The following ENTPD1 variants were observed in gnomAD, a reference collection of about 807,000 sequenced individuals.
The protein encoded by ENTPD1 is ATP diphosphohydrolase.
ENTPD1 carries 33 observed loss-of-function variants against 57.0 expected under a neutral mutation model. The observed-to-expected ratio is 0.58, with a 90% CI of 0.44 to 0.77. ENTPD1 has a LOEUF of 0.77. Ranked by LOEUF, ENTPD1 falls within the 30% of genes least tolerant of loss-of-function variation. The probability of loss-of-function intolerance (pLI) is 0.00; values close to 1 mark genes in which losing one functional copy is unlikely to be tolerated. For synonymous variants in ENTPD1, 202 were observed against 218.8 expected (o/e 0.92, Z 0.68); for missense variants, 501 against 603.4 (o/e 0.83, Z 1.78).
At chr10:95,828,113 C>T (rs533256887) in intron 2 of ENTPD1, among the ~76,000 whole-genome samples, 11 of 152,250 alleles carry the variant, frequency 7.2e-5, no homozygotes, top group Admixed American at 3.3e-4. Context: ...GTGAGGAACA[C>T]GCGAGCGAGC....
chr10:95,849,821 A>AC (rs2098441777), intron 7 of ENTPD1, among the ~76,000 whole-genome samples: 1 of 152,182 alleles, frequency 6.6e-6, no homozygotes, highest in South Asian at 2.1e-4. Flanking sequence ...TTCACCTTGG[A>AC]CTTTTTTTTG....
At position 95,828,787 on chromosome 10, in the gene ENTPD1, C is replaced by T. The variant is rs766818944; in HGVS notation, c.144+5423C>T. 1.6e-4 allele frequency among the ~76,000 whole-genome samples: 24 copies of T among 150,912 alleles called. 1 individual carries two copies. Among genetic ancestry groups the T allele is most frequent in the Non-Finnish European group, 2.4e-4 (16 of 67,802 alleles). On this transcript the variant is annotated intron_variant, in intron 2 of 9. Coordinates refer to ENST00000371205, the MANE Select transcript of ENTPD1 (RefSeq NM_001776.6). The stretch of plus-strand genomic sequence containing the variant: ...GCGCAGTGGCATGATCTCGGCTCAC[C>T]GCAATCTCTGCCTCCCAGGTTCAAG...
At chr10:95,767,189 G>A (rs34836127) in intron 1 of ENTPD1, among the ~76,000 whole-genome samples, 13,104 of 150,844 alleles carry the variant, frequency 0.087, 707 homozygotes, top group Middle Eastern at 0.16. Context: ...GGTGGTGGGC[G>A]CCTATAGTCC....
At chr10:95,860,258 G>C (rs919918798) in intron 7 of ENTPD1, among the ~76,000 whole-genome samples, 1 of 152,070 alleles carries the variant, frequency 6.6e-6, no homozygotes, top group Non-Finnish European at 1.5e-5. Context: ...ATGGAGAAAA[G>C]TAACTGCCAG....
rs1412393736 is a variant in ENTPD1, at chr10:95,845,348, GTCTT to G, written c.574-6_574-3del. The G allele has an allele frequency of 2.5e-6, 4 of 1,614,138 alleles. No individual in the cohort carries two copies. The highest frequency in any genetic ancestry group is 3.4e-6 in the Non-Finnish European group (4 of 1,180,022). ...GACTTCTAGCACTGGTAACTGTACT[GTCTT>G]TCAGAAAACAAGGTGGTTCAGCATA... On this transcript the variant is annotated splice_region_variant and splice_polypyrimidine_tract_variant and intron_variant, in intron 5 of 9. Coordinates refer to ENST00000371205, the MANE Select transcript of ENTPD1 (RefSeq NM_001776.6).
At chr10:95,730,924 G>A (rs7094382) in intron 1 of ENTPD1, among the ~76,000 whole-genome samples, 81,976 of 151,998 alleles carry the variant, frequency 0.54, 22,531 homozygotes, top group Admixed American at 0.63. Context: ...TTACTCTACT[G>A]TGAAGGTGAG....
intron 1 of ENTPD1, among the ~76,000 whole-genome samples, chr10:95,815,942 T>C (rs1376171512): frequency 6.6e-6 from 1 of 152,192 alleles, no homozygotes; most frequent in African/African-American, 2.4e-5. Flanking sequence ...TTTCCCGTGA[T>C]TCTTCCCTTA....
At chr10:95,716,827 A>G (rs1034742064) in intron 1 of ENTPD1, among the ~76,000 whole-genome samples, 60 of 152,346 alleles carry the variant, frequency 3.9e-4, no homozygotes, top group African/African-American at 1.4e-3. Flanking sequence ...GAACTGAAAC[A>G]TGCATATCCT....
chr10:95,873,659 T>C lies in ENTPD1; in HGVS notation c.*7276T>C. The C allele has an allele frequency of 1.0e-6, 1 of 985,452 alleles. No homozygotes were observed. The highest frequency in any genetic ancestry group is 1.2e-6 in the Non-Finnish European group (1 of 829,920). 61.0% of individuals were successfully genotyped at this position (985,452 alleles called of 1,614,324 possible). A position where few individuals can be genotyped will look rare whatever the true frequency, so the allele number is the denominator to read the frequency against. On this transcript the variant is annotated 3_prime_UTR_variant, in exon 10 of 10. Coordinates refer to ENST00000371205, the MANE Select transcript of ENTPD1 (RefSeq NM_001776.6). ...CTACTAGGGATGAAACAGCTAATCATGTTCAATAGTTACATTTAGATTGGT... is the reference window on the plus strand; with the variant it reads ...CTACTAGGGATGAAACAGCTAATCACGTTCAATAGTTACATTTAGATTGGT...
At position 95,871,570 on chromosome 10, in the gene ENTPD1, T is replaced by C. The variant is rs2098480476; in HGVS notation, c.*5187T>C. 5 of 985,456 alleles carry C rather than the reference T, an allele frequency of 5.1e-6. No homozygotes were observed. Among genetic ancestry groups the C allele is most frequent in the Non-Finnish European group, 6.0e-6 (5 of 829,928 alleles). The allele number at this position is 985,456 out of a possible 1,614,324, so 61.0% of individuals were successfully genotyped here. A position where few individuals can be genotyped will look rare whatever the true frequency, so the allele number is the denominator to read the frequency against. On this transcript the variant is annotated 3_prime_UTR_variant, in exon 10 of 10. Coordinates refer to ENST00000371205, the MANE Select transcript of ENTPD1 (RefSeq NM_001776.6). The stretch of plus-strand genomic sequence containing the variant: ...CAGTTTTATCACAGGTATAATGGAT[T>C]TTTCAATAGTGAGGAGGTGCCTCCA...
chr10:95,836,683 T>C (rs1167400067), intron 2 of ENTPD1, among the ~76,000 whole-genome samples: 1 of 152,226 alleles, frequency 6.6e-6, no homozygotes, highest in Non-Finnish European at 1.5e-5. Flanking sequence ...AATGGACTTT[T>C]GAGCCCAGGA....
intron 1 of ENTPD1, among the ~76,000 whole-genome samples, chr10:95,778,427 A>G (rs1278439346): frequency 6.6e-6 from 1 of 152,112 alleles, no homozygotes; most frequent in African/African-American, 2.4e-5. Flanking sequence ...CTTCACTGGT[A>G]GGCAAACAAA....
intron 1 of ENTPD1, among the ~76,000 whole-genome samples, chr10:95,746,154 G>A (rs1257162479): frequency 6.6e-6 from 1 of 152,168 alleles, no homozygotes; most frequent in East Asian, 1.9e-4. Context: ...GGGGGAAAAA[G>A]CAAGAGACAC....
At chr10:95,733,376 TACAA>T (rs1401618590) in intron 1 of ENTPD1, among the ~76,000 whole-genome samples, 1 of 152,210 alleles carries the variant, frequency 6.6e-6, no homozygotes, top group African/African-American at 2.4e-5. Flanking sequence ...CACACATGGT[TACAA>T]ACAATTTGTG....
rs1191322138 is a variant in ENTPD1, at chr10:95,872,453, T to C, written c.*6070T>C. On this transcript the variant is annotated 3_prime_UTR_variant, in exon 10 of 10. Transcript: ENST00000371205. ...ACACCACTCAGGTTGTCTTCTCAAC[T>C]TGGAATACTCTTGCACCTTCAAAGC... The C allele has an allele frequency of 1.0e-6, 1 of 985,260 alleles. No individual in the cohort carries two copies. The highest frequency in any genetic ancestry group is 1.7e-5 in the African/African-American group (1 of 57,240). The allele number at this position is 985,260 out of a possible 1,614,324, so 61.0% of individuals were successfully genotyped here.
intron 1 of ENTPD1, among the ~76,000 whole-genome samples, chr10:95,758,327 C>T (rs1443569708): frequency 6.6e-6 from 1 of 152,192 alleles, no homozygotes; most frequent in Non-Finnish European, 1.5e-5. Context: ...AAGAGAATAA[C>T]AGTAACATCT....
chr10:95,776,748 TC>T (rs902567983), intron 1 of ENTPD1, among the ~76,000 whole-genome samples: 2 of 152,256 alleles, frequency 1.3e-5, no homozygotes, highest in Non-Finnish European at 2.9e-5. Flanking sequence ...GGTCCTATTC[TC>T]CCCATCACTT....
At chr10:95,779,696 C>CT (rs35650706) in intron 1 of ENTPD1, among the ~76,000 whole-genome samples, 2 of 151,802 alleles carry the variant, frequency 1.3e-5, no homozygotes, top group East Asian at 1.9e-4. Context: ...CTCCTAGGGT[C>CT]TTTTTTTCAA....
rs1027903225 is a variant in ENTPD1 at position 95,847,535 on chromosome 10, C to G, written c.903C>G (p.Cys301Trp). Residue 301 changes from cysteine (C) to tryptophan (W), a missense_variant, in exon 7 of 10, where the codon TGC (cysteine) becomes TGG (tryptophan). Cys to Trp is a radical substitution (Grantham distance 215, BLOSUM62 -2). Transcript: ENST00000371205. ...TAAGTGACCTTTACAAGACCCCCTGCACCAAGAGATTTGAGATGACTCTTC... is the reference window on the plus strand; with the variant it reads ...TAAGTGACCTTTACAAGACCCCCTGGACCAAGAGATTTGAGATGACTCTTC... ...VNVSDLYKTP[C>W]TKRFEMTLPF... 6.2e-7 allele frequency: 1 copy of G among 1,614,038 alleles called. No homozygotes were observed. The highest frequency in any genetic ancestry group is 8.5e-7 in the Non-Finnish European group (1 of 1,180,048).
Sources: allele counts gnomAD v4.1 joint callset (sites outside exome capture counted in the v4.1 genomes callset), GRCh38; gene constraint gnomAD v4.1.1; transcripts MANE v1.5; gene names NCBI Gene and HGNC (gene_info 2026-07-23, HGNC 2026-07-21).